The following BRD7 variants were observed in gnomAD, a reference collection of about 807,000 sequenced individuals.
BRD7 encodes bromodomain containing 7.
BRD7 carries 15 observed loss-of-function variants against 82.1 expected under a neutral mutation model. The observed-to-expected ratio is 0.18, with a 90% confidence interval of 0.12 to 0.28. The LOEUF (loss-of-function observed/expected upper bound fraction) is 0.28. Among genes scored for constraint, BRD7 ranks in the 10% least tolerant of loss-of-function variants. The pLI is 1.00. For synonymous variants in BRD7, 232 were observed against 266.9 expected, an observed-to-expected ratio of 0.87 and a Z score of 1.27; for missense variants, 638 against 779.9, an observed-to-expected ratio of 0.82 and a Z score of 2.17.
intron 9 of BRD7, 29 bp from the exon 10 acceptor site, chr16:50,326,420 G>A (rs2037341530): frequency 6.7e-7 from 1 of 1,483,352 alleles, no homozygotes; most frequent in Non-Finnish European, 9.1e-7. Context: ...CACAGTGAAG[G>A]AGGCCTACAT....
intron 11 of BRD7, among the ~76,000 whole-genome samples, 197 bp downstream of exon 11, chr16:50,325,551 C>T (rs189901103): frequency 2.0e-5 from 3 of 152,162 alleles, no homozygotes; most frequent in South Asian, 4.1e-4. Context: ...ACTGCAGATG[C>T]TACTATCAGG....
chr16:50,368,804 G>A lies in BRD7; in HGVS notation c.-30C>T, dbSNP rs1567297367. ...GACCGGGCCCCGGTGCCCGCCCCCC[G>A]CGCCAGGCCCAGGCCGTGCGGCGCC... is the stretch of plus-strand genomic sequence containing the variant. On this transcript the variant is annotated 5_prime_UTR_variant, in exon 1 of 17. Transcript: ENST00000394688. The A allele has an allele frequency of 4.0e-6, 6 of 1,510,820 alleles. No homozygotes were observed. The highest frequency in any genetic ancestry group is 2.0e-5 in the Admixed American group (1 of 48,976). The allele number at this position is 1,510,820 out of a possible 1,614,324, so 93.6% of individuals were successfully genotyped here.
chr16:50,342,577 C>T (rs2038113469), intron 5 of BRD7, among the ~76,000 whole-genome samples: 1 of 151,440 alleles, frequency 6.6e-6, no homozygotes, highest in African/African-American at 2.4e-5. Flanking sequence ...TCCGCCACCA[C>T]ACTCAGCCAA....
At chr16:50,326,249 G>C in intron 10 of BRD7, 35 bp downstream of exon 10, 1 of 1,553,608 alleles carries the variant, frequency 6.4e-7, no homozygotes, top group Non-Finnish European at 8.9e-7. Flanking sequence ...CCAAAACAGA[G>C]AAGAGAAAAA....
chr16:50,343,585 A>T (rs2038161455), intron 5 of BRD7, among the ~76,000 whole-genome samples: 1 of 152,176 alleles, frequency 6.6e-6, no homozygotes, highest in Admixed American at 6.5e-5. Flanking sequence ...CTGTACCTGG[A>T]AAATCAGGAC....
At chr16:50,334,955 TTTTTTTCCCCAC>T (rs1477439753) in intron 6 of BRD7, 60 bp from the exon 7 acceptor site, 16 of 998,390 alleles carry the variant, frequency 1.6e-5, no homozygotes, top group South Asian at 1.0e-4. Context: ...AAGTAATGCA[TTTTTTTCCCCAC>T]AGGAGTTTAT....
intron 5 of BRD7, among the ~76,000 whole-genome samples, chr16:50,343,218 C>T (rs758679810): frequency 1.3e-5 from 2 of 152,096 alleles, no homozygotes; most frequent in Non-Finnish European, 2.9e-5. Context: ...AATTGTAATC[C>T]CCAATGTTGG....
At chr16:50,351,584 T>G (rs947628612) in intron 4 of BRD7, among the ~76,000 whole-genome samples, 17 of 152,216 alleles carry the variant, frequency 1.1e-4, no homozygotes, top group Non-Finnish European at 1.3e-4. Flanking sequence ...GATTTTTTAT[T>G]TTTTAAACCA....
chr16:50,341,642 CAAA>C (rs5816690), intron 5 of BRD7, among the ~76,000 whole-genome samples: 2 of 106,162 alleles, frequency 1.9e-5, no homozygotes. Flanking sequence ...GACTCGGTCT[CAAA>C]AAAAAAAAAA....
intron 5 of BRD7, among the ~76,000 whole-genome samples, chr16:50,341,965 C>CACACAG (rs1436763330): frequency 6.7e-6 from 1 of 149,220 alleles, no homozygotes; most frequent in Non-Finnish European, 1.5e-5. Context: ...CACACACACA[C>CACACAG]ACATTTTACT....
intron 10 of BRD7, 74 bp downstream of exon 10, chr16:50,326,210 G>T: frequency 8.3e-7 from 1 of 1,209,420 alleles, no homozygotes; most frequent in Non-Finnish European, 1.2e-6. Flanking sequence ...AGTGAATAAA[G>T]CATAATCGTG....
chr16:50,328,700 T>A lies in BRD7; in HGVS notation c.1056A>T (p.Gly352=). The change falls in exon 9 of 17, where the codon GGA becomes GGT. Residue 352 remains glycine (G), a synonymous_variant. Coordinates refer to ENST00000394688, the MANE Select transcript of BRD7 (RefSeq NM_013263.5). ...CAATGGGATCCACAGGATGGAGAAG[T>A]CCCAACGTCGTTGTTCCATCTGGTT... ...RRKPDGTTTL[G]LLHPVDPIVG... 6.2e-7 allele frequency: 1 copy of A among 1,613,996 alleles called. No homozygotes were observed. Among genetic ancestry groups the A allele is most frequent in the African/African-American group, 1.3e-5 (1 of 75,038 alleles).
rs138488507 is a variant in BRD7, at chr16:50,353,258, T to C, written c.446+1167A>G. Among the ~76,000 whole-genome samples, 502 of 152,080 alleles carry C rather than the reference T, an allele frequency of 3.3e-3. 6 individuals are homozygous for C. Among genetic ancestry groups the C allele is most frequent in the African/African-American group, 0.012 (483 of 41,472 alleles). ...TTTTTATTTTTTTGTAGAGATGGGG[T>C]CTCACTATGTTGCCCAGGCTGGTCT... On this transcript the variant is annotated intron_variant, in intron 4 of 16. Coordinates refer to ENST00000394688, the MANE Select transcript of BRD7 (RefSeq NM_013263.5).
intron 8 of BRD7, among the ~76,000 whole-genome samples, chr16:50,329,249 A>C (rs926999121): frequency 6.6e-6 from 1 of 152,178 alleles, no homozygotes; most frequent in Non-Finnish European, 1.5e-5. Context: ...TCAGAATTCT[A>C]AGAGCTCTGT....
chr16:50,344,722 G>C (rs1394845013), intron 5 of BRD7, among the ~76,000 whole-genome samples: 1 of 152,154 alleles, frequency 6.6e-6, no homozygotes, highest in African/African-American at 2.4e-5. Context: ...AGAGGAAAAG[G>C]AGTGAAAAGA....
chr16:50,341,928 T>TCTCACACACA (rs780059612), intron 5 of BRD7, among the ~76,000 whole-genome samples: 2,953 of 143,634 alleles, frequency 0.021, 42 homozygotes, highest in Middle Eastern at 0.036. Context: ...TGCACACTTT[T>TCTCACACACA]CACACACACA....
chr16:50,364,933 T>TA (rs1347084813), intron 2 of BRD7, among the ~76,000 whole-genome samples: 3 of 152,184 alleles, frequency 2.0e-5, no homozygotes, highest in African/African-American at 7.2e-5. Flanking sequence ...CAACTTTTGT[T>TA]AAACAAGACG....
At chr16:50,323,492 G>A (rs2037205481) in intron 12 of BRD7, 95 bp downstream of exon 12, 4 of 1,058,420 alleles carry the variant, frequency 3.8e-6, no homozygotes, top group Non-Finnish European at 5.7e-6. Context: ...GAGTTCAGCT[G>A]TCATACTTGT....
Position 50,354,796 on chromosome 16 carries a change from C to G in BRD7, c.385G>C (p.Glu129Gln). 1 of 1,610,956 alleles carries G rather than the reference C, an allele frequency of 6.2e-7. No individual in the cohort carries two copies. The highest frequency in any genetic ancestry group is 1.1e-5 in the South Asian group (1 of 90,702). ...KPLTSSLAKQEEVEQTPLQEA... is the reference protein window; with the variant it reads ...KPLTSSLAKQQEVEQTPLQEA... ...GTTAATTCAGAGTTATTCCAACCTT[C>G]TTGTTTGGCTAAAGAGCTTGTGAGA... The change falls in exon 3 of 17, where the codon GAA becomes CAA. Residue 129 changes from glutamate (E) to glutamine (Q), a missense_variant. Physicochemically the swap from Glu to Gln is conservative, Grantham distance 29 (BLOSUM62 2). Coordinates refer to ENST00000394688, the MANE Select transcript of BRD7 (RefSeq NM_013263.5).
Sources: gnomAD v4.1 joint callset for allele counts (sites outside exome capture counted in the v4.1 genomes callset) on GRCh38, gnomAD v4.1.1 for gene constraint, MANE v1.5 for transcripts, NCBI Gene and HGNC (gene_info 2026-07-23, HGNC 2026-07-21) for gene names.